TESK2: variants seen among roughly 807,000 people sequenced by gnomAD.
TESK2 encodes dual specificity testis-specific protein kinase 2.
In TESK2, 39 loss-of-function variants were observed where a neutral mutation model predicts 57.1. The observed-to-expected ratio is 0.68, with a 90% CI of 0.53 to 0.89. The LOEUF (loss-of-function observed/expected upper bound fraction) is 0.89. Among genes scored for constraint, TESK2 ranks in the 40% least tolerant of loss-of-function variants. The pLI is 0.00. For missense variants in TESK2, 646 were observed against 732.1 expected (o/e 0.88, Z 1.36); for synonymous variants, 249 against 267.9 (o/e 0.93, Z 0.69).
intron 3 of TESK2, among the ~76,000 whole-genome samples, chr1:45,394,675 A>AAC (rs1649283563): frequency 7.6e-6 from 1 of 130,954 alleles, no homozygotes; most frequent in Non-Finnish European, 1.7e-5. Flanking sequence ...ACCAACAGGA[A>AAC]ACTCTTTTTT....
chr1:45,420,868 G>A (rs556335948), intron 3 of TESK2, among the ~76,000 whole-genome samples: 2 of 152,250 alleles, frequency 1.3e-5, no homozygotes, highest in East Asian at 1.9e-4. Context: ...GATTACAGGC[G>A]TGAGCCATCG....
chr1:45,355,953 GAT>G (rs1164734829), intron 4 of TESK2, among the ~76,000 whole-genome samples: 3 of 152,208 alleles, frequency 2.0e-5, no homozygotes, highest in African/African-American at 7.2e-5. Flanking sequence ...GTTTTGCTAA[GAT>G]ATGTGAACTT....
chr1:45,354,933 C>T (rs1358763523), intron 5 of TESK2, among the ~76,000 whole-genome samples: 1 of 148,154 alleles, frequency 6.7e-6, no homozygotes, highest in African/African-American at 2.5e-5. Flanking sequence ...CCTGTAATCC[C>T]AGCACTTTGG....
intron 3 of TESK2, among the ~76,000 whole-genome samples, chr1:45,409,373 ATG>A (rs1649957823): frequency 6.6e-6 from 1 of 152,208 alleles, no homozygotes; most frequent in African/African-American, 2.4e-5. Context: ...AAAAAGCTTA[ATG>A]TGTCTGAGAA....
chr1:45,418,328 CT>C (rs1294198167), intron 3 of TESK2, among the ~76,000 whole-genome samples: 11 of 152,186 alleles, frequency 7.2e-5, no homozygotes, highest in Admixed American at 7.2e-4. Context: ...TGGAAGCCCC[CT>C]AACTGATCTC....
intron 1 of TESK2, among the ~76,000 whole-genome samples, chr1:45,490,508 G>A (rs558452205): frequency 6.6e-6 from 1 of 152,252 alleles, no homozygotes; most frequent in East Asian, 1.9e-4. Flanking sequence ...GCGGGTATGC[G>A]AGCAGGGAGG....
chr1:45,415,477 G>T (rs575422164), intron 3 of TESK2: 29 of 565,276 alleles, frequency 5.1e-5, no homozygotes, highest in Non-Finnish European at 7.9e-5. Context: ...TGGGTTCCAT[G>T]TTTTCCTTGT....
chr1:45,363,855 G>A (rs1283855305), intron 4 of TESK2, among the ~76,000 whole-genome samples: 1 of 152,020 alleles, frequency 6.6e-6, no homozygotes, highest in African/African-American at 2.4e-5. Flanking sequence ...TAGTTGTAGA[G>A]CCCTGAGTTG....
rs371943118 is a variant in TESK2 at position 45,458,514 on chromosome 1, G to A, written c.-86-643C>T. ...CAGGACGCAGGGGTTGCAGTGAGCC[G>A]AGATCGTGCCACTGCACTCCAGCCT... On this transcript the variant is annotated intron_variant, in intron 1 of 10. Transcript: ENST00000372086. 5.9e-4 allele frequency among the ~76,000 whole-genome samples: 89 copies of A among 150,876 alleles called. No homozygotes were observed. In the East Asian group the frequency reaches 0.013, roughly 22 times the overall value.
At chr1:45,347,456 CTTGGGAAG>C (rs1361098060) in intron 7 of TESK2, among the ~76,000 whole-genome samples, 145 bp downstream of exon 7, 1 of 152,078 alleles carries the variant, frequency 6.6e-6, no homozygotes, top group Non-Finnish European at 1.5e-5. Flanking sequence ...ATTCCAGCTA[CTTGGGAAG>C]CTGAGGCAGG....
intron 1 of TESK2, among the ~76,000 whole-genome samples, chr1:45,489,651 G>C (rs1314188954): frequency 6.6e-6 from 1 of 152,184 alleles, no homozygotes; most frequent in Non-Finnish European, 1.5e-5. Flanking sequence ...TTAGCCGGAC[G>C]TGGTGGCGCA....
chr1:45,442,253 AAG>A (rs1231862147), intron 2 of TESK2, among the ~76,000 whole-genome samples: 1 of 152,104 alleles, frequency 6.6e-6, no homozygotes, highest in Non-Finnish European at 1.5e-5. Flanking sequence ...TTCATTTTTA[AAG>A]AGAGACTTTT....
At chr1:45,409,845 CAATAATT>C (rs1459906838) in intron 3 of TESK2, among the ~76,000 whole-genome samples, 2 of 152,038 alleles carry the variant, frequency 1.3e-5, no homozygotes, top group African/African-American at 4.8e-5. Context: ...AATGGGTACT[CAATAATT>C]AGTAATCATT....
At chr1:45,440,568 T>A (rs761943886) in intron 2 of TESK2, among the ~76,000 whole-genome samples, 11 of 151,744 alleles carry the variant, frequency 7.2e-5, no homozygotes, top group Non-Finnish European at 1.5e-4. Flanking sequence ...ATAAAAAAAT[T>A]AGCTGGGCAT....
intron 4 of TESK2, among the ~76,000 whole-genome samples, chr1:45,384,613 T>TATTTA (rs1553147554): frequency 1.5e-4 from 20 of 135,488 alleles, no homozygotes; most frequent in African/African-American, 5.3e-4. Flanking sequence ...TTTTTTTTTT[T>TATTTA]TTTTTTTTTT....
intron 3 of TESK2, among the ~76,000 whole-genome samples, chr1:45,416,069 A>AG (rs1650226299): frequency 9.1e-6 from 1 of 110,078 alleles, no homozygotes; most frequent in Non-Finnish European, 1.8e-5. Flanking sequence ...TCTAATCTAG[A>AG]GCCTTTTTTT....
At chr1:45,373,915 T>C (rs561734925) in intron 4 of TESK2, among the ~76,000 whole-genome samples, 2 of 152,264 alleles carry the variant, frequency 1.3e-5, no homozygotes, top group South Asian at 2.1e-4. Context: ...GGAGCCAACA[T>C]AGAACCAACT....
At chr1:45,466,954 TTTG>T (rs1271626724) in intron 1 of TESK2, among the ~76,000 whole-genome samples, 3 of 152,036 alleles carry the variant, frequency 2.0e-5, no homozygotes, top group Non-Finnish European at 2.9e-5. Context: ...TCAACTCCTG[TTTG>T]TTATTATAAT....
intron 4 of TESK2, among the ~76,000 whole-genome samples, chr1:45,357,233 A>G (rs1387673524): frequency 2.5e-4 from 38 of 151,536 alleles, no homozygotes; most frequent in African/African-American, 5.1e-4. Context: ...AAATAAATAA[A>G]TAAATAAATG....
Sources: gnomAD v4.1 joint callset for allele counts (sites outside exome capture counted in the v4.1 genomes callset) on GRCh38, gnomAD v4.1.1 for gene constraint, MANE v1.5 for transcripts, NCBI Gene and HGNC (gene_info 2026-07-23, HGNC 2026-07-21) for gene names.